Variants in MTPN observed in about 807,000 individuals in gnomAD.
MTPN encodes granule cell differentiation protein.
A neutral mutation model predicts 13.5 loss-of-function variants in MTPN; 2 were observed. The ratio of observed to expected loss-of-function variants is 0.15; its 90% confidence interval spans 0.06 to 0.47. MTPN has a LOEUF of 0.47. MTPN is among the 20% of genes least tolerant of loss of function. The pLI, the probability that MTPN is intolerant of heterozygous loss-of-function variation, is 0.97. For missense variants in MTPN, 79 were observed against 137.9 expected (o/e 0.57, Z 2.14); for synonymous variants, 46 against 51.7 (o/e 0.89, Z 0.48).
intron 3 of MTPN, among the ~76,000 whole-genome samples, chr7:135,946,376 T>C (rs751314084): frequency 1.9e-4 from 29 of 152,234 alleles, no homozygotes; most frequent in Non-Finnish European, 4.0e-4. Context: ...CACACTCACC[T>C]TGTAGCACTT....
At chr7:135,953,733 C>T (rs1475938854) in intron 1 of MTPN, among the ~76,000 whole-genome samples, 3 of 152,104 alleles carry the variant, frequency 2.0e-5, no homozygotes, top group Non-Finnish European at 2.9e-5. Context: ...TTCCAAATTC[C>T]AGCCCACATG....
intron 3 of MTPN, among the ~76,000 whole-genome samples, chr7:135,937,454 A>T (rs960724387): frequency 6.6e-6 from 1 of 152,028 alleles, no homozygotes; most frequent in African/African-American, 2.4e-5. Flanking sequence ...CTACATATAT[A>T]GTCATCCCTC....
At chr7:135,942,292 AC>A (rs2116359925) in intron 3 of MTPN, among the ~76,000 whole-genome samples, 1 of 152,284 alleles carries the variant, frequency 6.6e-6, no homozygotes, top group Admixed American at 6.5e-5. Context: ...TCTTCAGGGA[AC>A]CCTCATTCCT....
At chr7:135,954,587 A>C (rs1233937756) in intron 1 of MTPN, among the ~76,000 whole-genome samples, 1 of 152,204 alleles carries the variant, frequency 6.6e-6, no homozygotes, top group African/African-American at 2.4e-5. Flanking sequence ...AAAGCAAATA[A>C]ATAAGTGCAA....
chr7:135,931,702 T>TAACA (rs1799024688), intron 3 of MTPN, among the ~76,000 whole-genome samples: 1 of 152,220 alleles, frequency 6.6e-6, no homozygotes, highest in Non-Finnish European at 1.5e-5. Flanking sequence ...AATTCTGCAT[T>TAACA]AACAGTTACA....
At chr7:135,947,182 A>T (rs902531948) in intron 3 of MTPN, among the ~76,000 whole-genome samples, 4 of 152,100 alleles carry the variant, frequency 2.6e-5, no homozygotes, top group Non-Finnish European at 5.9e-5. Flanking sequence ...CCCTTCTTGC[A>T]TCTCAGTCTT....
chr7:135,976,667 A>T (rs1251120208), intron 1 of MTPN, among the ~76,000 whole-genome samples: 1 of 148,388 alleles, frequency 6.7e-6, no homozygotes, highest in Non-Finnish European at 1.5e-5. Context: ...GAATTACCTC[A>T]TTCAAAGAAA....
chr7:135,966,411 A>G (rs577418348), intron 1 of MTPN, among the ~76,000 whole-genome samples: 3 of 152,192 alleles, frequency 2.0e-5, no homozygotes, highest in South Asian at 4.2e-4. Flanking sequence ...TCCCTGCACC[A>G]TGAGAGTACC....
At chr7:135,975,769 G>A (rs747361527) in intron 1 of MTPN, among the ~76,000 whole-genome samples, 1 of 152,186 alleles carries the variant, frequency 6.6e-6, no homozygotes, top group African/African-American at 2.4e-5. Flanking sequence ...AGCTGAGAAG[G>A]CAGTGACGAG....
intron 1 of MTPN, among the ~76,000 whole-genome samples, chr7:135,972,261 C>CACACACACACACACACACA (rs35026808): frequency 1.1e-5 from 1 of 90,762 alleles, no homozygotes; most frequent in African/African-American, 3.9e-5. Context: ...ACACACACAC[C>CACACACACACACACACACA]CCATGTAGAT....
chr7:135,932,485 CT>C (rs1043728909), intron 3 of MTPN: 2 of 151,990 alleles, frequency 1.3e-5, no homozygotes, highest in South Asian at 2.1e-4. Flanking sequence ...TATATGTCAC[CT>C]TTTTCCTAAT....
intron 3 of MTPN, among the ~76,000 whole-genome samples, chr7:135,948,322 G>T (rs1333754608): frequency 6.6e-6 from 1 of 152,084 alleles, no homozygotes; most frequent in South Asian, 2.1e-4. Context: ...TCAAAAAGAA[G>T]AAAATCTCTT....
At chr7:135,972,223 A>ACGCGCGCG (rs71531882) in intron 1 of MTPN, among the ~76,000 whole-genome samples, 30 of 131,872 alleles carry the variant, frequency 2.3e-4, no homozygotes, top group African/African-American at 8.2e-4. Context: ...GCACACGCGC[A>ACGCGCGCG]CGCGCGCGCA....
At chr7:135,966,908 C>T (rs1362715913) in intron 1 of MTPN, among the ~76,000 whole-genome samples, 1 of 152,122 alleles carries the variant, frequency 6.6e-6, no homozygotes, top group African/African-American at 2.4e-5. Flanking sequence ...GCTATGACCC[C>T]TGTCAACAGA....
rs1426931986 is a variant in MTPN, at chr7:135,927,944, TATATAAAGGGA to T, written c.*1971_*1981del. The T allele has an allele frequency of 3.4e-6, 1 of 296,858 alleles. No individual in the cohort carries two copies. The allele number at this position is 296,858 out of a possible 1,614,324, so 18.4% of individuals were successfully genotyped here. A position where few individuals can be genotyped will look rare whatever the true frequency, so the allele number is the denominator to read the frequency against. On this transcript the variant is annotated 3_prime_UTR_variant, in exon 4 of 4. Coordinates refer to ENST00000393085, the MANE Select transcript of MTPN (RefSeq NM_145808.4). ...ACACTTTGAAAGTAAAGGTGAAAAT[TATATAAAGGGA>T]AAAATTCAAGCCTTTAAATAGCATT...
chr7:135,950,611 C>T lies in MTPN; in HGVS notation c.258G>A (p.Leu86=), dbSNP rs1332168608. 1 of 1,612,516 alleles carries T rather than the reference C, an allele frequency of 6.2e-7. No homozygotes were observed. Among genetic ancestry groups the T allele is most frequent in the South Asian group, 1.1e-5 (1 of 90,984 alleles). The change falls in exon 3 of 4, where the codon TTG becomes TTA. Residue 86 remains leucine (L), a synonymous_variant. Transcript: ENST00000393085. ...VYEGHVSCVK[L]LLSKGADKTV... ...CAATTGACCTCACCTTTGACAGAAG[C>T]AATTTCACACAGGAAACATGACCCT... is the stretch of plus-strand genomic sequence containing the variant.
chr7:135,976,872 T>C (rs763835466), intron 1 of MTPN, among the ~76,000 whole-genome samples, 157 bp downstream of exon 1: 5 of 152,020 alleles, frequency 3.3e-5, no homozygotes, highest in South Asian at 2.1e-4. Context: ...TCAGTTTAGC[T>C]CCTCCCTAGA....
intron 1 of MTPN, among the ~76,000 whole-genome samples, chr7:135,976,600 C>T (rs1799775872): frequency 6.6e-6 from 1 of 152,192 alleles, no homozygotes; most frequent in South Asian, 2.1e-4. Context: ...AAAACATGTT[C>T]CTCTGATCCT....
chr7:135,963,900 T>C (rs1799565408), intron 1 of MTPN, among the ~76,000 whole-genome samples: 1 of 152,038 alleles, frequency 6.6e-6, no homozygotes, highest in South Asian at 2.1e-4. Context: ...TTGGAAGGTT[T>C]AGAAGCAATT....
Sources: allele counts gnomAD v4.1 joint callset (sites outside exome capture counted in the v4.1 genomes callset), GRCh38; gene constraint gnomAD v4.1.1; transcripts MANE v1.5; gene names NCBI Gene and HGNC (gene_info 2026-07-23, HGNC 2026-07-21).